The following SHTN1 variants were observed in gnomAD, a reference collection of about 807,000 sequenced individuals.
SHTN1 encodes the protein shootin 1.
In SHTN1, 42 loss-of-function variants were observed where a neutral mutation model predicts 83.1. That is an observed-to-expected ratio of 0.51 (90% CI 0.39 to 0.65). SHTN1 has a LOEUF of 0.65. SHTN1 is among the 30% of genes least tolerant of loss of function. SHTN1 has a pLI of 0.00. For missense variants in SHTN1, 622 were observed against 737.8 expected, an observed-to-expected ratio of 0.84 and a Z score of 1.82; for synonymous variants, 224 against 247.7, an observed-to-expected ratio of 0.90 and a Z score of 0.90.
chr10:117,120,058 G>A (rs1049783123), intron 1 of SHTN1, among the ~76,000 whole-genome samples: 4 of 152,062 alleles, frequency 2.6e-5, no homozygotes, highest in Non-Finnish European at 5.9e-5. Flanking sequence ...AGTGGGGCAG[G>A]TAAGGATGGT....
At position 116,940,562 on chromosome 10, in the gene SHTN1, C is replaced by G. The variant is rs1339489488; in HGVS notation, c.762G>C (p.Gln254His). ...KLKRQSHLLL[Q>H]SSIPDQQLLK... is the part of the protein sequence containing the mutation. ...AAAGCTGCTGATCAGGGATGGAGCT[C>G]TGCAGCAGAAGGTGGCTTTGTCTCT... The change falls in exon 9 of 17, where the codon CAG becomes CAC. Residue 254 changes from glutamine (Q) to histidine (H), a missense_variant. By Grantham distance (24) the Gln-to-His change is conservative. Coordinates refer to ENST00000355371, the MANE Select transcript of SHTN1 (RefSeq NM_001127211.3). 1 of 1,613,466 alleles carries G rather than the reference C, an allele frequency of 6.2e-7. No homozygotes were observed. The highest frequency in any genetic ancestry group is 8.5e-7 in the Non-Finnish European group (1 of 1,179,650).
chr10:116,909,615 T>G (rs188139517), intron 14 of SHTN1, among the ~76,000 whole-genome samples: 35 of 152,290 alleles, frequency 2.3e-4, no homozygotes, highest in African/African-American at 7.9e-4. Flanking sequence ...GCTTTAAAAC[T>G]TAAGTGGAAG....
chr10:117,106,015 A>T (rs1056325415), intron 1 of SHTN1, among the ~76,000 whole-genome samples: 4 of 152,010 alleles, frequency 2.6e-5, no homozygotes, highest in African/African-American at 9.7e-5. Flanking sequence ...CTGGCCTCAG[A>T]AACAAAATAA....
chr10:117,032,304 C>T (rs986259063), intron 2 of SHTN1, among the ~76,000 whole-genome samples: 7 of 152,012 alleles, frequency 4.6e-5, no homozygotes, highest in African/African-American at 1.2e-4. Flanking sequence ...CCTGGGTTCA[C>T]GCCATTCTCC....
At chr10:116,957,202 T>C (rs1456710963) in intron 4 of SHTN1, among the ~76,000 whole-genome samples, 2 of 97,792 alleles carry the variant, frequency 2.0e-5, no homozygotes, top group Non-Finnish European at 5.8e-5. Flanking sequence ...GTTAATTGCA[T>C]GCTACTTGTT....
intron 8 of SHTN1, 29 bp from the exon 9 acceptor site, chr10:116,940,641 TATCA>T (rs1564888026): frequency 4.5e-6 from 7 of 1,552,644 alleles, no homozygotes; most frequent in Non-Finnish European, 6.1e-6. Flanking sequence ...AGAATGTATA[TATCA>T]ATCAATCTCA....
chr10:117,065,803 AG>A (rs1852984231), intron 1 of SHTN1, among the ~76,000 whole-genome samples: 3 of 55,384 alleles, frequency 5.4e-5, no homozygotes, highest in Non-Finnish European at 1.0e-4. Flanking sequence ...GAAGGAAGGA[AG>A]GAAGGAAGGA....
intron 1 of SHTN1, among the ~76,000 whole-genome samples, chr10:116,988,856 G>C (rs1267720702): frequency 6.6e-6 from 1 of 152,132 alleles, no homozygotes; most frequent in Non-Finnish European, 1.5e-5. Flanking sequence ...TCATGCTTTA[G>C]TGTTTAAAAT....
At chr10:116,892,203 T>A (rs1270586868) in intron 16 of SHTN1, among the ~76,000 whole-genome samples, 1 of 152,210 alleles carries the variant, frequency 6.6e-6, no homozygotes, top group African/African-American at 2.4e-5. Context: ...GGGAGCCTTG[T>A]AGCTTGTACC....
intron 2 of SHTN1, among the ~76,000 whole-genome samples, chr10:117,020,777 C>T (rs1400811129): frequency 6.6e-6 from 1 of 151,792 alleles, no homozygotes; most frequent in Admixed American, 6.6e-5. Context: ...AGACAAGATA[C>T]AAAAGCAACA....
intron 2 of SHTN1, among the ~76,000 whole-genome samples, chr10:117,040,255 CT>C (rs1788578620): frequency 1.3e-5 from 2 of 152,038 alleles, no homozygotes; most frequent in African/African-American, 2.4e-5. Context: ...GAATGGAGGA[CT>C]TACATTACCT....
intron 11 of SHTN1, among the ~76,000 whole-genome samples, chr10:116,926,758 T>C (rs1401724114): frequency 1.3e-5 from 2 of 151,860 alleles, no homozygotes; most frequent in African/African-American, 2.4e-5. Flanking sequence ...TGCCATTTGT[T>C]AAAGAATAAA....
At chr10:116,900,428 G>A in intron 16 of SHTN1, 1 of 987,318 alleles carries the variant, frequency 1.0e-6, no homozygotes, top group Non-Finnish European at 1.5e-6. Context: ...TGCAGACCTT[G>A]GGCCTGCAAT....
intron 3 of SHTN1, among the ~76,000 whole-genome samples, chr10:116,964,545 G>T (rs1393351645): frequency 6.6e-6 from 1 of 152,200 alleles, no homozygotes; most frequent in East Asian, 1.9e-4. Flanking sequence ...CATATGTGGT[G>T]AACATATCAC....
chr10:117,074,945 A>G (rs1853131348), intron 1 of SHTN1, among the ~76,000 whole-genome samples: 1 of 152,184 alleles, frequency 6.6e-6, no homozygotes, highest in African/African-American at 2.4e-5. Context: ...CAGGAGTTTC[A>G]GTTCCTCAGG....
intron 2 of SHTN1, among the ~76,000 whole-genome samples, chr10:117,018,442 TAACAGCA>T (rs1185347826): frequency 7.4e-5 from 11 of 148,064 alleles, no homozygotes; most frequent in African/African-American, 2.5e-4. Flanking sequence ...TGATGAAAAC[TAACAGCA>T]AACTAGAAGT....
chr10:116,908,339 C>G (rs1564870692), intron 14 of SHTN1, among the ~76,000 whole-genome samples: 1 of 152,062 alleles, frequency 6.6e-6, no homozygotes, highest in Non-Finnish European at 1.5e-5. Context: ...ACTATAATGG[C>G]TTATTTTATC....
chr10:116,928,637 C>G (rs1390367741), intron 10 of SHTN1, among the ~76,000 whole-genome samples: 1 of 152,306 alleles, frequency 6.6e-6, no homozygotes, highest in East Asian at 1.9e-4. Flanking sequence ...GTAGCTCTCC[C>G]CATCCACAGC....
At chr10:117,123,093 C>T (rs1179470630) in intron 1 of SHTN1, among the ~76,000 whole-genome samples, 1 of 150,988 alleles carries the variant, frequency 6.6e-6, no homozygotes, top group Non-Finnish European at 1.5e-5. Flanking sequence ...ACCTCTGCCT[C>T]CCGGGTGCAA....
Sources: gnomAD v4.1 joint callset for allele counts (sites outside exome capture counted in the v4.1 genomes callset) on GRCh38, gnomAD v4.1.1 for gene constraint, MANE v1.5 for transcripts, NCBI Gene and HGNC (gene_info 2026-07-23, HGNC 2026-07-21) for gene names.